Variants in BLVRB observed in about 807,000 individuals in gnomAD.
BLVRB encodes flavin reductase (NADPH).
A neutral mutation model predicts 21.1 loss-of-function variants in BLVRB; 25 were observed. The observed-to-expected ratio is 1.19, with a 90% CI of 0.86 to 1.66. The LOEUF (loss-of-function observed/expected upper bound fraction) is 1.66. BLVRB is among the 40% of genes most tolerant of loss of function. The pLI is 0.00. For missense variants in BLVRB, 274 were observed against 282.7 expected (o/e 0.97, Z 0.22); for synonymous variants, 128 against 122.2 (o/e 1.05, Z -0.31).
chr19:40,454,360 C>A (rs999247439), intron 3 of BLVRB, among the ~76,000 whole-genome samples: 6 of 152,034 alleles, frequency 3.9e-5, no homozygotes, highest in Admixed American at 3.3e-4. Flanking sequence ...AACTCCTGAC[C>A]TCAAGCGATC....
chr19:40,459,471 G>A (rs577482213), intron 1 of BLVRB, among the ~76,000 whole-genome samples: 57 of 150,276 alleles, frequency 3.8e-4, no homozygotes, highest in Admixed American at 6.7e-5. Context: ...TTTTTGAGAC[G>A]GAATCTCACT....
intron 1 of BLVRB, 87 bp downstream of exon 1, chr19:40,465,523 A>G: frequency 1.3e-6 from 2 of 1,508,532 alleles, no homozygotes; most frequent in Non-Finnish European, 8.9e-7. Context: ...TCATGGCCCC[A>G]ATCAGCCTCG....
At chr19:40,462,627 C>T (rs558746723) in intron 1 of BLVRB, among the ~76,000 whole-genome samples, 9 of 148,400 alleles carry the variant, frequency 6.1e-5, no homozygotes, top group Non-Finnish European at 1.2e-4. Flanking sequence ...CGTGGTGGCT[C>T]ACGCCTGTAA....
chr19:40,465,159 A>T (rs1222365713), intron 1 of BLVRB, among the ~76,000 whole-genome samples: 1 of 152,098 alleles, frequency 6.6e-6, no homozygotes, highest in Non-Finnish European at 1.5e-5. Flanking sequence ...CAGCTGTGTG[A>T]TATTGGGCAA....
chr19:40,463,595 C>A (rs1395399724), intron 1 of BLVRB, among the ~76,000 whole-genome samples: 3 of 145,738 alleles, frequency 2.1e-5, no homozygotes, highest in African/African-American at 7.6e-5. Context: ...TCCCTCCATC[C>A]CTCCCTCCTT....
intron 1 of BLVRB, among the ~76,000 whole-genome samples, chr19:40,460,701 G>A (rs577911832): frequency 6.5e-4 from 99 of 152,206 alleles, no homozygotes; most frequent in Non-Finnish European, 1.1e-3. Flanking sequence ...TGCTGGGCGC[G>A]ATGGCTCACG....
chr19:40,464,572 C>A (rs971230957), intron 1 of BLVRB, among the ~76,000 whole-genome samples: 1 of 152,166 alleles, frequency 6.6e-6, no homozygotes, highest in Non-Finnish European at 1.5e-5. Context: ...GGTGACTCAG[C>A]GCCTCTCAAC....
intron 3 of BLVRB, 189 bp downstream of exon 3, chr19:40,457,966 G>T: frequency 1.7e-6 from 1 of 584,874 alleles, no homozygotes; most frequent in Non-Finnish European, 3.1e-6. Context: ...AGCCTTGTGT[G>T]AGCAGGGCCC....
At chr19:40,462,254 G>T (rs2079790785) in intron 1 of BLVRB, among the ~76,000 whole-genome samples, 1 of 151,634 alleles carries the variant, frequency 6.6e-6, no homozygotes, top group Non-Finnish European at 1.5e-5. Flanking sequence ...AGCAGCAGGG[G>T]CTTGCATGGG....
At chr19:40,455,067 G>C (rs1416884139) in intron 3 of BLVRB, among the ~76,000 whole-genome samples, 1 of 149,678 alleles carries the variant, frequency 6.7e-6, no homozygotes, top group African/African-American at 2.5e-5. Flanking sequence ...GACTGGTCCT[G>C]CACTCCTGGA....
chr19:40,455,753 C>G (rs1568738427), intron 3 of BLVRB, among the ~76,000 whole-genome samples: 1 of 152,134 alleles, frequency 6.6e-6, no homozygotes, highest in East Asian at 1.9e-4. Flanking sequence ...AAAACAAAAT[C>G]TATTTGTGTA....
rs1451050700 is a variant in BLVRB at position 40,448,017 on chromosome 19, C to T, written c.493G>A (p.Val165Met). 3 of 1,613,908 alleles carry T rather than the reference C, an allele frequency of 1.9e-6. No homozygotes were observed. In the East Asian group the frequency reaches 6.7e-5, roughly 36 times the overall value. The change falls in exon 5 of 5, where the codon GTG becomes ATG. Residue 165 changes from valine to methionine, a missense_variant. Physicochemically the swap from Val to Met is conservative, Grantham distance 21. Transcript: ENST00000263368. ...GAGGGCCCTCGTCCATCCAGGGTCACTGTGTACGCCCCAGTTAGTGGCTGG... is the reference window on the plus strand; with the variant it reads ...GAGGGCCCTCGTCCATCCAGGGTCATTGTGTACGCCCCAGTTAGTGGCTGG... ...GDQPLTGAYT[V>M]TLDGRGPSRV...
chr19:40,461,079 T>G (rs2079785526), intron 1 of BLVRB, among the ~76,000 whole-genome samples: 1 of 152,154 alleles, frequency 6.6e-6, no homozygotes, highest in East Asian at 1.9e-4. Context: ...AGATGGGGTT[T>G]TGCATGTTGG....
chr19:40,459,376 A>C (rs2079776992), intron 1 of BLVRB, among the ~76,000 whole-genome samples: 1 of 142,254 alleles, frequency 7.0e-6, no homozygotes, highest in African/African-American at 2.6e-5. Flanking sequence ...CCATACCTTC[A>C]TGATAATTCA....
At chr19:40,448,668 C>G (rs1006310123) in intron 4 of BLVRB, among the ~76,000 whole-genome samples, 8 of 146,668 alleles carry the variant, frequency 5.5e-5, no homozygotes, top group Non-Finnish European at 1.2e-4. Context: ...ATATATCTGT[C>G]TATCTGACAG....
chr19:40,460,861 A>G (rs940887302), intron 1 of BLVRB, among the ~76,000 whole-genome samples: 1 of 152,078 alleles, frequency 6.6e-6, no homozygotes, highest in South Asian at 2.1e-4. Flanking sequence ...AATCCCAGCT[A>G]CTTGGGAGGC....
At chr19:40,463,358 C>G (rs934705185) in intron 1 of BLVRB, among the ~76,000 whole-genome samples, 1 of 152,204 alleles carries the variant, frequency 6.6e-6, no homozygotes, top group Non-Finnish European at 1.5e-5. Flanking sequence ...CCAGTTTTGT[C>G]ATGATCTTAC....
chr19:40,460,269 T>TATATATATATATATATATATATATAC (rs1281133813), intron 1 of BLVRB, among the ~76,000 whole-genome samples: 54 of 140,696 alleles, frequency 3.8e-4, no homozygotes, highest in African/African-American at 1.2e-3. Context: ...TATATATATA[T>TATATATATATATATATATATATATAC]ATATATTTAG....
intron 3 of BLVRB, among the ~76,000 whole-genome samples, chr19:40,451,903 CAG>C (rs573710220): frequency 2.0e-4 from 31 of 152,088 alleles, no homozygotes; most frequent in Non-Finnish European, 2.8e-4. Context: ...GTTGCAAAAA[CAG>C]GGGAGTCCTC....
Sources: gnomAD v4.1 joint callset for allele counts (sites outside exome capture counted in the v4.1 genomes callset) on GRCh38, gnomAD v4.1.1 for gene constraint, MANE v1.5 for transcripts, NCBI Gene and HGNC (gene_info 2026-07-23, HGNC 2026-07-21) for gene names.